The following HDAC9 variants were observed in gnomAD, a reference collection of about 807,000 sequenced individuals.
The protein encoded by HDAC9 is MEF-2 interacting transcription repressor (MITR) protein.
A neutral mutation model predicts 139.4 loss-of-function variants in HDAC9; 41 were observed. The ratio of observed to expected loss-of-function variants is 0.29; its 90% CI spans 0.23 to 0.38. HDAC9 has a LOEUF of 0.38. Ranked by LOEUF, HDAC9 falls within the 10% of genes least tolerant of loss-of-function variation. HDAC9 has a pLI of 1.00. For synonymous variants in HDAC9, 517 were observed against 476.2 expected, an observed-to-expected ratio of 1.09 and a Z score of -1.12; for missense variants, 1,147 against 1,297.0, an observed-to-expected ratio of 0.88 and a Z score of 1.78.
chr7:18,704,688 A>C (rs548498033), intron 12 of HDAC9, among the ~76,000 whole-genome samples: 63 of 152,356 alleles, frequency 4.1e-4, no homozygotes, highest in African/African-American at 1.5e-3. Context: ...TCAGTAGCTG[A>C]TGAAAAATTA....
At chr7:18,431,428 AC>A (rs1677892105) in intron 1 of HDAC9, among the ~76,000 whole-genome samples, 1 of 152,150 alleles carries the variant, frequency 6.6e-6, no homozygotes, top group African/African-American at 2.4e-5. Context: ...TGCCTGTGTA[AC>A]TTTTCCATTT....
chr7:18,411,816 G>GTTTT (rs1280818174), intron 1 of HDAC9, among the ~76,000 whole-genome samples: 5 of 89,426 alleles, frequency 5.6e-5, no homozygotes, highest in Admixed American at 4.2e-4. Flanking sequence ...ATTTCAACTT[G>GTTTT]CTTTTTTTTT....
At chr7:18,524,072 A>G (rs1399694211) in intron 2 of HDAC9, among the ~76,000 whole-genome samples, 1 of 152,008 alleles carries the variant, frequency 6.6e-6, no homozygotes, top group Non-Finnish European at 1.5e-5. Context: ...GGAAAGAAGC[A>G]CTTCTTCATC....
At chr7:18,723,740 G>C (rs966708578) in intron 12 of HDAC9, among the ~76,000 whole-genome samples, 1 of 151,994 alleles carries the variant, frequency 6.6e-6, no homozygotes, top group African/African-American at 2.4e-5. Flanking sequence ...GTAGCGGGTG[G>C]TGTTATTTAA....
At chr7:18,491,207 A>G (rs1244311722), upstream of HDAC9, among the ~76,000 whole-genome samples, 1 of 151,986 alleles carries the variant, frequency 6.6e-6, no homozygotes, top group Non-Finnish European at 1.5e-5. Context: ...TGAAAGAAAT[A>G]ATAAAACATT....
chr7:18,845,446 G>GA, intron 21 of HDAC9, among the ~76,000 whole-genome samples: 1 of 152,274 alleles, frequency 6.6e-6, no homozygotes, highest in Middle Eastern at 3.4e-3. Context: ...TAACTTTGGA[G>GA]AATTGTATTG....
At chr7:18,930,527 C>A (rs2158768) in intron 22 of HDAC9, among the ~76,000 whole-genome samples, 60,892 of 151,786 alleles carry the variant, frequency 0.4, 12,973 homozygotes, top group Non-Finnish European at 0.47. Context: ...AAAAATAATA[C>A]CTTCACCTGG....
intron 1 of HDAC9, among the ~76,000 whole-genome samples, chr7:18,398,596 G>C (rs190541253): frequency 6.6e-6 from 1 of 152,010 alleles, no homozygotes; most frequent in Admixed American, 6.6e-5. Flanking sequence ...AGGATTGTGC[G>C]TATGAGCCTT....
chr7:18,615,982 T>C (rs1392584750), intron 6 of HDAC9, among the ~76,000 whole-genome samples: 2 of 152,196 alleles, frequency 1.3e-5, no homozygotes, highest in Non-Finnish European at 2.9e-5. Flanking sequence ...ACTCTGGGAA[T>C]GAATCCCTCT....
intron 21 of HDAC9, among the ~76,000 whole-genome samples, chr7:18,856,193 C>T (rs1797665086): frequency 6.6e-6 from 1 of 152,130 alleles, no homozygotes; most frequent in Admixed American, 6.6e-5. Context: ...CGCTAAGGCT[C>T]ACAGCCCCTA....
At chr7:18,815,354 A>G (rs1794486759) in intron 17 of HDAC9, among the ~76,000 whole-genome samples, 1 of 150,098 alleles carries the variant, frequency 6.7e-6, no homozygotes, top group African/African-American at 2.5e-5. Flanking sequence ...AAATAAAACC[A>G]CTGCTTGAAA....
At chr7:18,308,139 G>A (rs1189553540) in intron 1 of HDAC9, among the ~76,000 whole-genome samples, 1 of 152,132 alleles carries the variant, frequency 6.6e-6, no homozygotes, top group East Asian at 1.9e-4. Flanking sequence ...TTGCCAAGTA[G>A]CTTAAACATT....
At chr7:18,304,311 C>T (rs1323727267) in intron 1 of HDAC9, among the ~76,000 whole-genome samples, 2 of 152,130 alleles carry the variant, frequency 1.3e-5, no homozygotes, top group African/African-American at 4.8e-5. Context: ...ATTACTTTCC[C>T]AAAGGTTTAG....
chr7:18,154,795 T>A (rs1787053122), intron 1 of HDAC9, among the ~76,000 whole-genome samples: 2 of 152,216 alleles, frequency 1.3e-5, no homozygotes, highest in Admixed American at 1.3e-4. Context: ...CACTCTTAAT[T>A]ACAATGATGG....
chr7:18,422,564 A>G (rs573689169), intron 1 of HDAC9, among the ~76,000 whole-genome samples: 4 of 152,200 alleles, frequency 2.6e-5, no homozygotes, highest in Admixed American at 6.5e-5. Flanking sequence ...AGAATGAGGC[A>G]TTGATTTTAT....
chr7:18,607,589 A>C (rs1430644142), intron 6 of HDAC9, among the ~76,000 whole-genome samples: 6 of 152,236 alleles, frequency 3.9e-5, no homozygotes, highest in African/African-American at 1.2e-4. Flanking sequence ...AGGAAATATT[A>C]GTAGTAGCCA....
At chr7:18,155,880 G>A (rs1478637252) in intron 1 of HDAC9, among the ~76,000 whole-genome samples, 1 of 152,156 alleles carries the variant, frequency 6.6e-6, no homozygotes. Context: ...GTGAATCAGA[G>A]CAGCAGGTGT....
At chr7:18,777,761 G>A (rs1193735819) in intron 16 of HDAC9, among the ~76,000 whole-genome samples, 1 of 151,866 alleles carries the variant, frequency 6.6e-6, no homozygotes, top group African/African-American at 2.4e-5. Context: ...TTAATGATGG[G>A]ATTATCCATC....
intron 22 of HDAC9, among the ~76,000 whole-genome samples, chr7:18,925,874 A>G (rs1041890917): frequency 6.6e-6 from 1 of 152,034 alleles, no homozygotes; most frequent in Non-Finnish European, 1.5e-5. Context: ...CAGATATATC[A>G]TAAGAGCATA....
Sources: allele counts gnomAD v4.1 joint callset (sites outside exome capture counted in the v4.1 genomes callset), GRCh38; gene constraint gnomAD v4.1.1; transcripts MANE v1.5; gene names NCBI Gene and HGNC (gene_info 2026-07-23, HGNC 2026-07-21).